The following SKP1 variants were observed in gnomAD, a reference collection of about 807,000 sequenced individuals.
The protein encoded by SKP1 is S-phase kinase-associated protein 1.
SKP1 carries 1 observed loss-of-function variant against 21.5 expected under a neutral mutation model. That is an observed-to-expected ratio of 0.05 (90% CI 0.02 to 0.22). The LOEUF (loss-of-function observed/expected upper bound fraction) is 0.22. Ranked by LOEUF, SKP1 falls within the 10% of genes least tolerant of loss-of-function variation. SKP1 has a pLI of 1.00. For missense variants in SKP1, 70 were observed against 192.0 expected, an observed-to-expected ratio of 0.36 and a Z score of 3.76; for synonymous variants, 59 against 59.3, an observed-to-expected ratio of 0.99 and a Z score of 0.03.
intron 3 of SKP1, among the ~76,000 whole-genome samples, chr5:134,164,781 T>C (rs114238193): frequency 0.017 from 2,551 of 152,286 alleles, 74 homozygotes; most frequent in African/African-American, 0.058. Context: ...AGAGTTCTTA[T>C]AAAAAGCCTA....
At chr5:134,161,791 G>C (rs951795236) in intron 3 of SKP1, 2 of 152,124 alleles carry the variant, frequency 1.3e-5, no homozygotes, top group Non-Finnish European at 2.9e-5. Flanking sequence ...GAACAAAGCA[G>C]GAAAAGCCCC....
At chr5:134,166,016 A>G (rs1761324333) in intron 3 of SKP1, among the ~76,000 whole-genome samples, 1 of 151,784 alleles carries the variant, frequency 6.6e-6, no homozygotes, top group African/African-American at 2.4e-5. Flanking sequence ...AACATGGTGA[A>G]AACCTGTCTA....
chr5:134,169,647 C>T (rs1373507664), intron 2 of SKP1, among the ~76,000 whole-genome samples: 1 of 151,322 alleles, frequency 6.6e-6, no homozygotes, highest in Non-Finnish European at 1.5e-5. Context: ...GGCAGATCAC[C>T]TGAGGTCAGG....
Position 134,149,025 on chromosome 5 carries a change from A to G in SKP1, c.*8708T>C, listed in dbSNP as rs1349422555. On this transcript the variant is annotated 3_prime_UTR_variant, in exon 6 of 6. Coordinates refer to ENST00000353411, the MANE Select transcript of SKP1 (RefSeq NM_170679.3). ...GGGGGTACAAATGCAGCTGTGTTAC[A>G]TGAATATATTGTGTAGCGGTGAGGT... is the stretch of plus-strand genomic sequence containing the variant. The G allele has an allele frequency of 6.6e-6, 1 of 152,218 alleles. No homozygotes were observed. The highest frequency in any genetic ancestry group is 1.5e-5 in the Non-Finnish European group (1 of 68,046). The allele number at this position is 152,218 out of a possible 1,614,324, so 9.4% of individuals were successfully genotyped here. A position where few individuals can be genotyped will look rare whatever the true frequency, so the allele number is the denominator to read the frequency against.
In SKP1 at chr5:134,152,545, C is replaced by T. The variant is rs1561715761; in HGVS notation, c.*5188G>A. 1 of 148,812 alleles carries T rather than the reference C, an allele frequency of 6.7e-6. No homozygotes were observed. Among genetic ancestry groups the T allele is most frequent in the East Asian group, 1.9e-4 (1 of 5,134 alleles). The allele number at this position is 148,812 out of a possible 1,614,324, so 9.2% of individuals were successfully genotyped here. ...CTCATTAATCTGTTCTGTCCAGAAACTTTTTTTTTTTGAAACGGAGTCTCG... is the reference window on the plus strand; with the variant it reads ...CTCATTAATCTGTTCTGTCCAGAAATTTTTTTTTTTTGAAACGGAGTCTCG... On this transcript the variant is annotated 3_prime_UTR_variant, in exon 6 of 6. Coordinates refer to ENST00000353411, the MANE Select transcript of SKP1 (RefSeq NM_170679.3).
chr5:134,166,249 A>G (rs1262358328), intron 3 of SKP1, among the ~76,000 whole-genome samples: 9 of 107,732 alleles, frequency 8.4e-5, no homozygotes, highest in Admixed American at 3.0e-4. Flanking sequence ...TGTTATATGG[A>G]AAAAAAAAAA....
chr5:134,165,485 G>C (rs1035256445), intron 3 of SKP1, among the ~76,000 whole-genome samples: 7 of 151,560 alleles, frequency 4.6e-5, no homozygotes, highest in Non-Finnish European at 4.4e-5. Context: ...AGCTACTCGA[G>C]AGGATGAGGC....
chr5:134,172,522 T>C (rs1358459026), intron 2 of SKP1, among the ~76,000 whole-genome samples: 1 of 151,932 alleles, frequency 6.6e-6, no homozygotes, highest in Admixed American at 6.6e-5. Flanking sequence ...ATATATACTT[T>C]GTAGTAGTTT....
At chr5:134,173,494 A>G (rs2149377583) in intron 2 of SKP1, 1 of 337,080 alleles carries the variant, frequency 3.0e-6, no homozygotes, top group South Asian at 2.4e-5. Context: ...GTCTCAAATA[A>G]ATCAATCAAT....
At position 134,158,186 on chromosome 5, in the gene SKP1, T is replaced by C. The variant is rs1205120279; in HGVS notation, c.456+269A>G. The stretch of plus-strand genomic sequence containing the variant: ...AGATATGTATGGTCTATACAGAAAG[T>C]TGCAGGTGCCAAAACTAGTAACTGT... On this transcript the variant is annotated intron_variant, in intron 5 of 5. Coordinates refer to ENST00000353411, the MANE Select transcript of SKP1 (RefSeq NM_170679.3). 3.6e-6 allele frequency: 5 copies of C among 1,396,316 alleles called. No homozygotes were observed. The South Asian group carries it at 4.6e-5, about 13-fold the overall frequency. The allele number at this position is 1,396,316 out of a possible 1,614,324, so 86.5% of individuals were successfully genotyped here. A position where few individuals can be genotyped will look rare whatever the true frequency, so the allele number is the denominator to read the frequency against.
At chr5:134,158,695 T>G in intron 4 of SKP1, 100 bp from the exon 5 acceptor site, 1 of 1,020,472 alleles carries the variant, frequency 9.8e-7, no homozygotes, top group Non-Finnish European at 1.5e-6. Flanking sequence ...CTTAAAATGC[T>G]AATTTTAAGA....
Position 134,173,730 on chromosome 5 carries a change from C to T in SKP1, c.97+196G>A, listed in dbSNP as rs190419045. ...TGATTTTATCCATTTAATGAGAGAA[C>T]GACCCTCACTAATTCAGACAATGCA... is the stretch of plus-strand genomic sequence containing the variant. On this transcript the variant is annotated intron_variant, in intron 2 of 5. Transcript: ENST00000353411. The T allele has an allele frequency of 1.5e-3, 1,023 of 671,494 alleles. 1 individual carries two copies. The highest frequency in any genetic ancestry group is 2.5e-3 in the Non-Finnish European group (907 of 359,930). The allele number at this position is 671,494 out of a possible 1,614,324, so 41.6% of individuals were successfully genotyped here.
chr5:134,175,776 G>T (rs368870283), intron 1 of SKP1, among the ~76,000 whole-genome samples: 1 of 152,206 alleles, frequency 6.6e-6, no homozygotes. Flanking sequence ...TAGTGTTACA[G>T]TAGAATAAAG....
At chr5:134,163,700 A>C (rs1303407845) in intron 3 of SKP1, among the ~76,000 whole-genome samples, 1 of 151,938 alleles carries the variant, frequency 6.6e-6, no homozygotes, top group Non-Finnish European at 1.5e-5. Context: ...TGAGGTGAGA[A>C]GATCACCTGA....
In SKP1 at chr5:134,158,309, T is replaced by C; in HGVS notation, c.456+146A>G. 3.9e-6 allele frequency: 6 copies of C among 1,538,848 alleles called. No homozygotes were observed. In the South Asian group the frequency reaches 7.7e-5, roughly 20 times the overall value. On this transcript the variant is annotated intron_variant, in intron 5 of 5. Transcript: ENST00000353411. ...GTTCAGATTCATAAAGACAGAACAGTAAGAGTATGTTTAAGACACATTAAG... is the reference window on the plus strand; with the variant it reads ...GTTCAGATTCATAAAGACAGAACAGCAAGAGTATGTTTAAGACACATTAAG...
intron 2 of SKP1, chr5:134,171,073 GA>G (rs1561722915): frequency 2.2e-6 from 1 of 454,504 alleles, no homozygotes; most frequent in Non-Finnish European, 4.4e-6. Flanking sequence ...CAACTTAATA[GA>G]AGTTATCTTA....
rs75557223 is a variant in SKP1 at position 134,159,358 on chromosome 5, T to C, written c.316-763A>G. Among the ~76,000 whole-genome samples, 102 of 152,278 alleles carry C rather than the reference T, an allele frequency of 6.7e-4. No homozygotes were observed. The East Asian group carries it at 0.019, about 28-fold the overall frequency. On this transcript the variant is annotated intron_variant, in intron 4 of 5. Transcript: ENST00000353411. ...TTCCATTGCAGTCAGAAGACATACT[T>C]TGTATGACCTGAATCCTTTTACAAT...
chr5:134,168,694 T>TA lies in SKP1; in HGVS notation c.98-1452dup, dbSNP rs572443002. On this transcript the variant is annotated intron_variant, in intron 2 of 5. Coordinates refer to ENST00000353411, the MANE Select transcript of SKP1 (RefSeq NM_170679.3). ...CCTAATTCTGTCTGCATTTTGAAGGTACAGACAGTAGAATTTGCCAACAGA... is the reference window on the plus strand; with the variant it reads ...CCTAATTCTGTCTGCATTTTGAAGGTAACAGACAGTAGAATTTGCCAACAGA... Among the ~76,000 whole-genome samples, 16 of 152,142 alleles carry TA rather than the reference T, an allele frequency of 1.1e-4. No individual in the cohort carries two copies. The South Asian group carries it at 2.9e-3, about 28-fold the overall frequency.
intron 3 of SKP1, among the ~76,000 whole-genome samples, chr5:134,164,183 G>A (rs149082604): frequency 0.017 from 2,518 of 151,962 alleles, 72 homozygotes; most frequent in African/African-American, 0.058. Flanking sequence ...TTAGCCGGGC[G>A]TGGTGGCGCG....
Sources: allele counts gnomAD v4.1 joint callset (sites outside exome capture counted in the v4.1 genomes callset), GRCh38; gene constraint gnomAD v4.1.1; transcripts MANE v1.5; gene names NCBI Gene and HGNC (gene_info 2026-07-23, HGNC 2026-07-21).